GRM1: variants seen among roughly 807,000 people sequenced by gnomAD.
GRM1 encodes glutamate metabotropic receptor 1, also known as metabotropic glutamate receptor 1.
A neutral mutation model predicts 90.9 loss-of-function variants in GRM1; 33 were observed. That is an observed-to-expected ratio of 0.36 (90% CI 0.28 to 0.49). GRM1 has a LOEUF of 0.49. GRM1 is among the 20% of genes least tolerant of loss of function. GRM1 has a pLI of 0.99. For synonymous variants in GRM1, 700 were observed against 613.2 expected, an observed-to-expected ratio of 1.14 and a Z score of -2.09; for missense variants, 1,190 against 1,534.3, an observed-to-expected ratio of 0.78 and a Z score of 3.75.
chr6:146,206,951 G>T (rs1779517064), intron 2 of GRM1, among the ~76,000 whole-genome samples: 1 of 152,128 alleles, frequency 6.6e-6, no homozygotes, highest in Non-Finnish European at 1.5e-5. Context: ...ATAGCCTCCA[G>T]CCCCATCCAT....
intron 2 of GRM1, among the ~76,000 whole-genome samples, chr6:146,275,967 G>A (rs910270020): frequency 1.3e-5 from 2 of 151,998 alleles, no homozygotes; most frequent in African/African-American, 4.8e-5. Context: ...CAATAGATGA[G>A]GAAGAGAAGA....
chr6:146,121,782 C>T (rs1373518951), intron 1 of GRM1, among the ~76,000 whole-genome samples: 3 of 152,338 alleles, frequency 2.0e-5, no homozygotes, highest in Non-Finnish European at 4.4e-5. Context: ...TTTGATTGCA[C>T]TGTGGTCTGA....
At chr6:146,049,651 A>ATTATCTATCTATC (rs1334592681) in intron 1 of GRM1, among the ~76,000 whole-genome samples, 1 of 147,472 alleles carries the variant, frequency 6.8e-6, no homozygotes, top group African/African-American at 2.5e-5. Context: ...ACCTCCTTTC[A>ATTATCTATCTATC]TATCTATCTA....
At chr6:146,419,350 GA>G (rs1335201602) in intron 7 of GRM1, among the ~76,000 whole-genome samples, 1 of 152,150 alleles carries the variant, frequency 6.6e-6, no homozygotes, top group African/African-American at 2.4e-5. Flanking sequence ...AAAACAATAG[GA>G]AGGACAAAGA....
At chr6:146,407,513 C>T (rs1777388469) in intron 7 of GRM1, among the ~76,000 whole-genome samples, 1 of 152,056 alleles carries the variant, frequency 6.6e-6, no homozygotes. Flanking sequence ...TTCAGATAAA[C>T]TTGTATAGTC....
chr6:146,093,097 A>C (rs1240371279), intron 1 of GRM1, among the ~76,000 whole-genome samples: 1 of 152,094 alleles, frequency 6.6e-6, no homozygotes, highest in African/African-American at 2.4e-5. Context: ...TCTAATTTGG[A>C]ATCTTCCTGA....
chr6:146,216,336 T>C (rs1779869692), intron 2 of GRM1, among the ~76,000 whole-genome samples: 2 of 152,152 alleles, frequency 1.3e-5, no homozygotes, highest in African/African-American at 4.8e-5. Context: ...TTAAACAATA[T>C]AGTTTAAATA....
At chr6:146,376,814 C>G (rs1162521496) in intron 5 of GRM1, among the ~76,000 whole-genome samples, 1 of 151,966 alleles carries the variant, frequency 6.6e-6, no homozygotes, top group Non-Finnish European at 1.5e-5. Context: ...GTGTCCACAC[C>G]CAAATGTCAA....
At chr6:146,183,383 T>C (rs543064773) in intron 2 of GRM1, among the ~76,000 whole-genome samples, 1 of 152,290 alleles carries the variant, frequency 6.6e-6, no homozygotes, top group African/African-American at 2.4e-5. Context: ...TCTCCTATTA[T>C]TTAACAATAG....
chr6:146,291,522 A>G lies in GRM1; in HGVS notation c.951-13089A>G, dbSNP rs73577164. ...TTAGGAAAATTTTTGTTATTATTCT[A>G]AGAAAGTCCCCCTTGTCTTCTCTTT... On this transcript the variant is annotated intron_variant, in intron 2 of 7. Transcript: ENST00000282753. Among the ~76,000 whole-genome samples the G allele has an allele frequency of 8.7e-3, 1,327 of 151,810 alleles. 20 individuals carry two copies. Among genetic ancestry groups the G allele is most frequent in the African/African-American group, 0.03 (1,235 of 41,510 alleles).
intron 2 of GRM1, among the ~76,000 whole-genome samples, chr6:146,254,964 G>C (rs1474978555): frequency 6.6e-6 from 1 of 152,124 alleles, no homozygotes; most frequent in African/African-American, 2.4e-5. Flanking sequence ...GAATAGAGTT[G>C]TATCAATTTC....
At chr6:146,406,620 G>A (rs1777357387) in intron 7 of GRM1, among the ~76,000 whole-genome samples, 1 of 152,100 alleles carries the variant, frequency 6.6e-6, no homozygotes, top group Admixed American at 6.6e-5. Context: ...CCTGAGGTCA[G>A]GAGTTCAAGA....
At chr6:146,343,506 G>C (rs753290445) in intron 3 of GRM1, among the ~76,000 whole-genome samples, 1 of 151,674 alleles carries the variant, frequency 6.6e-6, no homozygotes, top group Admixed American at 6.6e-5. Flanking sequence ...ATCAGCATGG[G>C]TATTTATTTT....
chr6:146,119,871 G>A (rs1373745320), intron 1 of GRM1, among the ~76,000 whole-genome samples: 1 of 152,162 alleles, frequency 6.6e-6, no homozygotes, highest in Non-Finnish European at 1.5e-5. Context: ...AAGTCAGGTA[G>A]CGTGATGCCT....
chr6:146,046,745 T>G (rs1791345612), intron 1 of GRM1, among the ~76,000 whole-genome samples: 1 of 150,520 alleles, frequency 6.6e-6, no homozygotes, highest in Admixed American at 6.6e-5. Context: ...GATATTTTAT[T>G]ACAGTACAGT....
At chr6:146,228,997 T>G (rs1780354560) in intron 2 of GRM1, among the ~76,000 whole-genome samples, 1 of 152,098 alleles carries the variant, frequency 6.6e-6, no homozygotes, top group Admixed American at 6.6e-5. Context: ...AGATTTTTAG[T>G]ATGAGGGTGA....
Position 146,029,506 on chromosome 6 carries a change from G to C in GRM1, c.-12G>C. 2 of 1,608,624 alleles carry C rather than the reference G, an allele frequency of 1.2e-6. No individual in the cohort carries two copies. The highest frequency in any genetic ancestry group is 1.1e-5 in the South Asian group (1 of 90,984). ...ACGCGGCTGGCAGGCTGTGGACCTCGTCCTCACCACCATGGTCGGGCTCCT... is the reference window on the plus strand; with the variant it reads ...ACGCGGCTGGCAGGCTGTGGACCTCCTCCTCACCACCATGGTCGGGCTCCT... On this transcript the variant is annotated 5_prime_UTR_variant, in exon 1 of 8. Coordinates refer to ENST00000282753, the MANE Select transcript of GRM1 (RefSeq NM_001278064.2).
intron 7 of GRM1, among the ~76,000 whole-genome samples, chr6:146,415,563 T>A (rs1252035650): frequency 2.0e-5 from 3 of 152,254 alleles, no homozygotes; most frequent in Non-Finnish European, 4.4e-5. Context: ...TCTATCCATG[T>A]ATTCATCTAT....
At chr6:146,388,582 T>C (rs1222573937) in intron 6 of GRM1, among the ~76,000 whole-genome samples, 2 of 152,012 alleles carry the variant, frequency 1.3e-5, no homozygotes, top group African/African-American at 2.4e-5. Flanking sequence ...AGTACAAAGG[T>C]CCTTTTTAAA....
Sources: allele counts gnomAD v4.1 joint callset (sites outside exome capture counted in the v4.1 genomes callset), GRCh38; gene constraint gnomAD v4.1.1; transcripts MANE v1.5; gene names NCBI Gene and HGNC (gene_info 2026-07-23, HGNC 2026-07-21).